Variants in BMPER observed in about 807,000 individuals in gnomAD.
BMPER encodes BMP binding endothelial regulator, also known as BMP-binding endothelial regulator protein.
BMPER carries 45 observed loss-of-function variants against 87.3 expected under a neutral mutation model. The ratio of observed to expected loss-of-function variants is 0.52; its 90% CI spans 0.41 to 0.66. BMPER has a LOEUF of 0.66. Ranked by LOEUF, BMPER falls within the 30% of genes least tolerant of loss-of-function variation. The pLI is 0.00. For synonymous variants in BMPER, 326 were observed against 316.2 expected (o/e 1.03, Z -0.33); for missense variants, 784 against 867.5 (o/e 0.90, Z 1.21).
intron 11 of BMPER, among the ~76,000 whole-genome samples, chr7:34,075,892 CATAGGG>C (rs1207218989): frequency 1.3e-5 from 2 of 152,202 alleles, no homozygotes; most frequent in African/African-American, 4.8e-5. Context: ...CAGGATCTGG[CATAGGG>C]ACCTTGAGGT....
intron 6 of BMPER, among the ~76,000 whole-genome samples, chr7:34,026,833 A>C (rs1787370196): frequency 6.6e-6 from 1 of 152,112 alleles, no homozygotes; most frequent in African/African-American, 2.4e-5. Context: ...AATACCTGAA[A>C]ATATGGGTGT....
intron 6 of BMPER, among the ~76,000 whole-genome samples, chr7:33,978,315 G>A (rs186873757): frequency 1.9e-4 from 29 of 152,284 alleles, no homozygotes; most frequent in East Asian, 7.7e-4. Context: ...TGGACTTCCC[G>A]GCATTCAGAA....
intron 13 of BMPER, among the ~76,000 whole-genome samples, chr7:34,117,772 C>T (rs1358023410): frequency 6.6e-6 from 1 of 152,140 alleles, no homozygotes; most frequent in African/African-American, 2.4e-5. Flanking sequence ...AGAGGTTCTG[C>T]CAATTTGGCA....
chr7:33,936,903 G>A (rs1249258518), intron 2 of BMPER, among the ~76,000 whole-genome samples: 2 of 152,168 alleles, frequency 1.3e-5, no homozygotes, highest in South Asian at 2.1e-4. Flanking sequence ...TTGTTCTCAC[G>A]ATGCAGTCCT....
intron 6 of BMPER, among the ~76,000 whole-genome samples, chr7:34,024,640 C>T (rs574218431): frequency 2.0e-5 from 3 of 151,290 alleles, no homozygotes; most frequent in Admixed American, 2.0e-4. Context: ...CTTGATGTAT[C>T]AGTTTAGATA....
Position 34,086,069 on chromosome 7 carries a change from T to C in BMPER, c.1722T>C (p.Thr574=). ...KSWEFQTCHS[T]VDYATFYRSC... ...GGGAGTTTCAGACCTGCCACTCGACTGTGGACTACGCCACTTTCTACCGGT... is the reference window on the plus strand; with the variant it reads ...GGGAGTTTCAGACCTGCCACTCGACCGTGGACTACGCCACTTTCTACCGGT... Residue 574 remains threonine (T), a synonymous_variant, in exon 13 of 15, where the codon ACT becomes ACC. Transcript: ENST00000649409. 6.2e-7 allele frequency: 1 copy of C among 1,614,004 alleles called. No homozygotes were observed. The highest frequency in any genetic ancestry group is 8.5e-7 in the Non-Finnish European group (1 of 1,180,016).
At chr7:33,974,269 T>C (rs929064126) in intron 5 of BMPER, among the ~76,000 whole-genome samples, 4 of 152,166 alleles carry the variant, frequency 2.6e-5, no homozygotes, top group African/African-American at 9.7e-5. Flanking sequence ...CGATAGAGGC[T>C]GTGCCCTTCT....
chr7:34,138,933 T>C (rs1790794184), intron 13 of BMPER, among the ~76,000 whole-genome samples: 1 of 152,180 alleles, frequency 6.6e-6, no homozygotes, highest in African/African-American at 2.4e-5. Context: ...CTACTTATTC[T>C]GTAAAATGAA....
In BMPER at chr7:34,155,367, A is replaced by G. The variant is rs1383847715; in HGVS notation, c.*2094A>G. ...AATTGTGGATGGTTATTTATAGCTC[A>G]TGATTCATCCAAGGACTGAGTTATT... On this transcript the variant is annotated 3_prime_UTR_variant, in exon 15 of 15. Transcript: ENST00000649409. 6.6e-6 allele frequency: 1 copy of G among 152,206 alleles called. No homozygotes were observed. The highest frequency in any genetic ancestry group is 2.4e-5 in the African/African-American group (1 of 41,442). 9.4% of individuals were successfully genotyped at this position (152,206 alleles called of 1,614,324 possible). A position where few individuals can be genotyped will look rare whatever the true frequency, so the allele number is the denominator to read the frequency against.
chr7:33,982,954 A>G (rs1452538312), intron 6 of BMPER, among the ~76,000 whole-genome samples: 2 of 152,102 alleles, frequency 1.3e-5, no homozygotes, highest in African/African-American at 4.8e-5. Context: ...CTTGATTTGG[A>G]CTGGGAAAAT....
At chr7:33,905,419 G>GCCCCCCCCCCCCCCCCCCCCCCCCCCCCC, upstream of BMPER, 4 of 110,388 alleles carry the variant, frequency 3.6e-5, no homozygotes, top group South Asian at 1.8e-4. Context: ...CTCCCCGGGC[G>GCCCCCCCCCCCCCCCCCCCCCCCCCCCCC]CCCCCACACC....
chr7:33,938,520 G>T (rs111897996), intron 3 of BMPER, among the ~76,000 whole-genome samples: 2 of 152,234 alleles, frequency 1.3e-5, no homozygotes, highest in South Asian at 2.1e-4. Context: ...GCCCAGGGCC[G>T]CCAGGATCTA....
chr7:33,944,690 G>C (rs578171329), intron 3 of BMPER, among the ~76,000 whole-genome samples: 34 of 152,202 alleles, frequency 2.2e-4, no homozygotes, highest in Non-Finnish European at 4.7e-4. Context: ...ATATTCTATA[G>C]TTGAGTTTCT....
Position 34,094,753 on chromosome 7 carries a change from G to T in BMPER, c.1745+8661G>T, listed in dbSNP as rs200831354. Among the ~76,000 whole-genome samples, 5 of 152,290 alleles carry T rather than the reference G, an allele frequency of 3.3e-5. No homozygotes were observed. In the East Asian group the frequency reaches 5.8e-4, roughly 18 times the overall value. ...GAGGACCTACCCCATTGCTATGAGG[G>T]TTTGTGTGAGGGTTGCATCAGTCAT... On this transcript the variant is annotated intron_variant, in intron 13 of 14. Transcript: ENST00000649409.
At chr7:33,946,720 G>A (rs981856020) in intron 3 of BMPER, among the ~76,000 whole-genome samples, 15 of 152,222 alleles carry the variant, frequency 9.9e-5, no homozygotes, top group African/African-American at 2.9e-4. Flanking sequence ...ATTTTCCTCC[G>A]AAAAAGATGC....
intron 5 of BMPER, among the ~76,000 whole-genome samples, chr7:33,974,099 G>A (rs1471489481): frequency 2.0e-5 from 3 of 152,168 alleles, no homozygotes; most frequent in Admixed American, 6.5e-5. Context: ...TGCAGCAGAT[G>A]GGTCAGAACT....
intron 13 of BMPER, among the ~76,000 whole-genome samples, chr7:34,103,994 T>C (rs1789752806): frequency 6.6e-6 from 1 of 152,206 alleles, no homozygotes; most frequent in Admixed American, 6.5e-5. Context: ...CAATAACTTA[T>C]GTTTTGAGAT....
At chr7:33,981,845 G>A (rs1785872921) in intron 6 of BMPER, among the ~76,000 whole-genome samples, 1 of 152,170 alleles carries the variant, frequency 6.6e-6, no homozygotes, top group Non-Finnish European at 1.5e-5. Context: ...AAATTGTTTG[G>A]TATGGAATGT....
chr7:33,942,190 A>G (rs1428274511), intron 3 of BMPER, among the ~76,000 whole-genome samples: 2 of 152,112 alleles, frequency 1.3e-5, no homozygotes, highest in Non-Finnish European at 2.9e-5. Flanking sequence ...GAATGTGTAT[A>G]AACGGTGTTT....
Sources: allele counts gnomAD v4.1 joint callset (sites outside exome capture counted in the v4.1 genomes callset), GRCh38; gene constraint gnomAD v4.1.1; transcripts MANE v1.5; gene names NCBI Gene and HGNC (gene_info 2026-07-23, HGNC 2026-07-21).